ALMS1: variants seen among roughly 807,000 people sequenced by gnomAD.
ALMS1 encodes centrosome-associated protein ALMS1.
Under a neutral mutation model 352.2 loss-of-function variants are expected in ALMS1, and 271 were observed. The observed-to-expected ratio is 0.77, with a 90% confidence interval of 0.70 to 0.85. The LOEUF (loss-of-function observed/expected upper bound fraction) is 0.85, where lower values mean the gene tolerates loss of function less well. ALMS1 is among the 40% of genes least tolerant of loss of function. The probability of loss-of-function intolerance (pLI) is 0.00; values close to 1 mark genes in which losing one functional copy is unlikely to be tolerated. For missense variants in ALMS1, 5,445 were observed against 4,870.7 expected (o/e 1.12, Z -3.51); for synonymous variants, 1,865 against 1,761.2 (o/e 1.06, Z -1.48).
chr2:73,517,667 T>G (rs13391375), intron 10 of ALMS1, among the ~76,000 whole-genome samples: 1 of 152,220 alleles, frequency 6.6e-6, no homozygotes, highest in South Asian at 2.1e-4. Context: ...TTTATTTTTA[T>G]TTTTTTGAAG....
At chr2:73,470,305 T>C (rs1672441394) in intron 9 of ALMS1, 1 of 151,820 alleles carries the variant, frequency 6.6e-6, no homozygotes, top group South Asian at 2.1e-4. Flanking sequence ...TCTTTCTTCC[T>C]TTAAAAATAG....
intron 12 of ALMS1, among the ~76,000 whole-genome samples, chr2:73,538,197 C>T (rs1674073362): frequency 6.6e-6 from 1 of 152,060 alleles, no homozygotes; most frequent in African/African-American, 2.4e-5. Flanking sequence ...GGAACCCTTA[C>T]AACTCAACAA....
intron 11 of ALMS1, among the ~76,000 whole-genome samples, chr2:73,525,736 CTTCAGTGTTGT>C (rs909946947): frequency 7.2e-5 from 11 of 151,762 alleles, no homozygotes; most frequent in African/African-American, 2.7e-4. Flanking sequence ...TGGTTTGTCT[CTTCAGTGTTGT>C]TTCCTTTGCT....
At chr2:73,388,270 C>T (rs757649277) in intron 1 of ALMS1, among the ~76,000 whole-genome samples, 16 of 152,044 alleles carry the variant, frequency 1.1e-4, no homozygotes, top group Non-Finnish European at 2.1e-4. Context: ...GTTTTTTAAA[C>T]AAAATTTTAA....
rs755238117 is a variant in ALMS1 at position 73,424,766 on chromosome 2, T to G, written c.1101T>G (p.Val367=). Reference sequence around the variant, plus strand: ...ACAATTTAGCTGATAAAGATCAAGTTTCAGTTGCAACTTCATTTGACATAA... The same window carrying G: ...ACAATTTAGCTGATAAAGATCAAGTGTCAGTTGCAACTTCATTTGACATAA... The part of the protein sequence containing the change: ...PENNLADKDQ[V]SVATSFDITD... The change falls in exon 5 of 23, where the codon GTT becomes GTG. Residue 367 remains valine, a synonymous_variant. Coordinates refer to ENST00000613296, the MANE Select transcript of ALMS1 (RefSeq NM_001378454.1). The G allele has an allele frequency of 2.5e-6, 4 of 1,613,912 alleles. No homozygotes were observed. The highest frequency in any genetic ancestry group is 1.7e-5 in the Admixed American group (1 of 59,986).
At chr2:73,588,942 G>A (rs916310113) in intron 16 of ALMS1, among the ~76,000 whole-genome samples, 19 of 151,784 alleles carry the variant, frequency 1.3e-4, no homozygotes, top group African/African-American at 3.9e-4. Flanking sequence ...TTTTTTATAC[G>A]TTTACAGAGA....
At chr2:73,496,342 T>C (rs1331334403) in intron 10 of ALMS1, among the ~76,000 whole-genome samples, 2 of 152,244 alleles carry the variant, frequency 1.3e-5, no homozygotes, top group East Asian at 1.9e-4. Flanking sequence ...TCATAAAATA[T>C]GTAACAGCCT....
intron 1 of ALMS1, among the ~76,000 whole-genome samples, chr2:73,400,135 G>A (rs1007244979): frequency 1.3e-5 from 2 of 151,758 alleles, no homozygotes; most frequent in African/African-American, 2.4e-5. Flanking sequence ...GTGGCAGAGG[G>A]GGGTCTCACT....
At chr2:73,439,306 G>T (rs1671669631) in intron 7 of ALMS1, among the ~76,000 whole-genome samples, 1 of 151,196 alleles carries the variant, frequency 6.6e-6, no homozygotes, top group African/African-American at 2.4e-5. Context: ...GTAGAGACAA[G>T]GTCTTGCTAT....
At chr2:73,585,193 G>A (rs985904676) in intron 16 of ALMS1, among the ~76,000 whole-genome samples, 23 of 152,032 alleles carry the variant, frequency 1.5e-4, no homozygotes, top group Non-Finnish European at 1.0e-4. Flanking sequence ...GTTCTTTAAG[G>A]GATCTCCATA....
intron 16 of ALMS1, among the ~76,000 whole-genome samples, chr2:73,593,585 A>G (rs919182027): frequency 2.0e-5 from 3 of 152,160 alleles, no homozygotes; most frequent in South Asian, 2.1e-4. Flanking sequence ...CTTTCTTGAC[A>G]TATTTTCCAT....
chr2:73,530,972 A>G (rs1572998627), intron 11 of ALMS1, among the ~76,000 whole-genome samples: 1 of 152,172 alleles, frequency 6.6e-6, no homozygotes, highest in East Asian at 1.9e-4. Flanking sequence ...CGGGGCCCAC[A>G]AAACCATTTT....
intron 9 of ALMS1, among the ~76,000 whole-genome samples, chr2:73,482,782 C>T (rs1307982399): frequency 6.6e-6 from 1 of 151,596 alleles, no homozygotes; most frequent in Non-Finnish European, 1.5e-5. Context: ...TTCAGAGATT[C>T]AACTTCTTCC....
At chr2:73,394,888 G>A (rs545887633) in intron 1 of ALMS1, among the ~76,000 whole-genome samples, 33 of 151,760 alleles carry the variant, frequency 2.2e-4, no homozygotes, top group African/African-American at 8.0e-4. Flanking sequence ...ACTGTAGGCA[G>A]TTGTAACACT....
chr2:73,408,741 T>A lies in ALMS1; in HGVS notation c.444T>A (p.Asp148Glu). The A allele has an allele frequency of 6.2e-7, 1 of 1,613,274 alleles. No homozygotes were observed. Among genetic ancestry groups the A allele is most frequent in the Non-Finnish European group, 8.5e-7 (1 of 1,179,682 alleles). ...CAACAGCTCAGCGGGGTTCTGGGGA[T>A]GATCAGGTATGTCTTCTGTAACTGG... ...LETTAQRGSG[D>E]DQKTESWHCL... The change falls in exon 2 of 23, where the codon GAT (aspartate) becomes GAA (glutamate). Residue 148 changes from aspartate (D) to glutamate (E), a missense_variant. Transcript: ENST00000613296.
chr2:73,488,875 A>G (rs906053675), intron 9 of ALMS1, among the ~76,000 whole-genome samples: 7 of 152,226 alleles, frequency 4.6e-5, no homozygotes, highest in African/African-American at 1.4e-4. Context: ...GCGCCAGGAA[A>G]CAAGGTCTTG....
intron 10 of ALMS1, among the ~76,000 whole-genome samples, chr2:73,496,676 CTG>C (rs1398994588): frequency 6.6e-6 from 1 of 152,106 alleles, no homozygotes; most frequent in Non-Finnish European, 1.5e-5. Flanking sequence ...TTCAGAGTGT[CTG>C]TATCATTTTG....
chr2:73,539,373 G>A (rs901244713), intron 12 of ALMS1, among the ~76,000 whole-genome samples: 1 of 152,158 alleles, frequency 6.6e-6, no homozygotes, highest in Non-Finnish European at 1.5e-5. Context: ...AACCCCATCT[G>A]TACGTCACCA....
At chr2:73,595,104 G>T (rs1675518638) in intron 16 of ALMS1, among the ~76,000 whole-genome samples, 1 of 152,104 alleles carries the variant, frequency 6.6e-6, no homozygotes. Flanking sequence ...TGGTAATACA[G>T]TACAACCACA....
Sources: gnomAD v4.1 joint callset for allele counts (sites outside exome capture counted in the v4.1 genomes callset) on GRCh38, gnomAD v4.1.1 for gene constraint, MANE v1.5 for transcripts, NCBI Gene and HGNC (gene_info 2026-07-23, HGNC 2026-07-21) for gene names.